CACNA2D2: variants seen among roughly 807,000 people sequenced by gnomAD.
CACNA2D2 encodes calcium voltage-gated channel auxiliary subunit alpha2delta 2.
Under a neutral mutation model 166.4 loss-of-function variants are expected in CACNA2D2, and 48 were observed. That is an observed-to-expected ratio of 0.29 (90% CI 0.23 to 0.37). The LOEUF (loss-of-function observed/expected upper bound fraction) is 0.37. CACNA2D2 is among the 10% of genes least tolerant of loss of function. CACNA2D2 has a pLI of 1.00. For missense variants in CACNA2D2, 1,122 were observed against 1,433.0 expected, an observed-to-expected ratio of 0.78 and a Z score of 3.50; for synonymous variants, 561 against 573.7, an observed-to-expected ratio of 0.98 and a Z score of 0.32.
In CACNA2D2 at chr3:50,365,103, A is replaced by T. The variant is rs138596435; in HGVS notation, c.3180T>A (p.Ala1060=). 38 of 1,611,844 alleles carry T rather than the reference A, an allele frequency of 2.4e-5. No homozygotes were observed. In the African/African-American group the frequency reaches 4.1e-4, roughly 18 times the overall value. The change falls in exon 36 of 38, where the codon GCT becomes GCA. Residue 1060 remains alanine, a synonymous_variant. Transcript: ENST00000424201. The surrounding 1 kb of genome is among the most constrained non-coding windows in gnomAD (Gnocchi z 4.5). ...GCGTCTCCTTCTGCAGCAGCCGGCC[A>T]GCCTCGCACTGGCTGCACAGCGGCT... is the stretch of plus-strand genomic sequence containing the variant. The part of the protein sequence containing the change: ...AEKPLCSQCE[A]GRLLQKETHS...
intron 1 of CACNA2D2, among the ~76,000 whole-genome samples, chr3:50,476,595 G>A (rs2107093226): frequency 6.6e-6 from 1 of 152,336 alleles, no homozygotes; most frequent in Non-Finnish European, 1.5e-5. Flanking sequence ...GAGGTCTGCT[G>A]GATCTTGGAG....
At chr3:50,502,265 C>T (rs1575796596) in intron 1 of CACNA2D2, among the ~76,000 whole-genome samples, 1 of 152,352 alleles carries the variant, frequency 6.6e-6, no homozygotes, top group East Asian at 1.9e-4. Context: ...GGTGGCTCCT[C>T]AGACCCGGAG....
intron 4 of CACNA2D2, among the ~76,000 whole-genome samples, chr3:50,391,327 ACT>A (rs1705876021): frequency 6.7e-6 from 1 of 149,736 alleles, no homozygotes; most frequent in Non-Finnish European, 1.5e-5. Context: ...GCCAATGGCC[ACT>A]CCCCCCTCCC....
chr3:50,440,495 T>A (rs1708537310), intron 2 of CACNA2D2, among the ~76,000 whole-genome samples: 1 of 152,278 alleles, frequency 6.6e-6, no homozygotes, highest in Admixed American at 6.5e-5. Flanking sequence ...TACACTGTGA[T>A]GTTAGTTGTC....
chr3:50,448,554 C>T (rs1708961868), intron 2 of CACNA2D2, among the ~76,000 whole-genome samples: 1 of 152,118 alleles, frequency 6.6e-6, no homozygotes, highest in South Asian at 2.1e-4. Flanking sequence ...TGTCGATGCA[C>T]ATATGTATCC....
At chr3:50,406,162 C>T (rs1391214247) in intron 3 of CACNA2D2, among the ~76,000 whole-genome samples, 3 of 151,842 alleles carry the variant, frequency 2.0e-5, no homozygotes, top group African/African-American at 7.2e-5. Context: ...ATGAAATACA[C>T]GAACCCATTG....
rs1246408753 is a variant in CACNA2D2, at chr3:50,374,789, G to A, written c.1932C>T (p.Tyr644=). ...NYSLGLVLPP[Y]STFYLQANLS... The stretch of plus-strand genomic sequence containing the variant: ...GATTGGCTTGGAGGTAGAAGGTGCT[G>A]TAGGGTGGGAGCACCAGCCCCAGGC... Residue 644 remains tyrosine (Y), a synonymous_variant, in exon 22 of 38, where the codon TAC becomes TAT. Coordinates refer to ENST00000424201, the MANE Select transcript of CACNA2D2 (RefSeq NM_006030.4). 3 of 1,596,042 alleles carry A rather than the reference G, an allele frequency of 1.9e-6. No homozygotes were observed. The Admixed American group carries it at 5.2e-5, about 28-fold the overall frequency.
At chr3:50,401,718 GT>G (rs943301608) in intron 3 of CACNA2D2, among the ~76,000 whole-genome samples, 1 of 151,720 alleles carries the variant, frequency 6.6e-6, no homozygotes, top group African/African-American at 2.4e-5. Flanking sequence ...TTTCAGTTTT[GT>G]TTTTTTTGAG....
At chr3:50,397,119 C>G (rs552141113) in intron 3 of CACNA2D2, among the ~76,000 whole-genome samples, 1 of 152,202 alleles carries the variant, frequency 6.6e-6, no homozygotes, top group Non-Finnish European at 1.5e-5. Context: ...GCAGACAGGG[C>G]AAGGGAGACC....
intron 1 of CACNA2D2, among the ~76,000 whole-genome samples, chr3:50,480,673 G>A (rs1367949064): frequency 6.6e-6 from 1 of 150,416 alleles, no homozygotes; most frequent in East Asian, 2.0e-4. Context: ...CGTGGGGTGA[G>A]AAGCTGCAGC....
chr3:50,468,974 A>G (rs1312937638), intron 2 of CACNA2D2, among the ~76,000 whole-genome samples: 4 of 151,980 alleles, frequency 2.6e-5, no homozygotes, highest in African/African-American at 9.7e-5. Context: ...GATTACAGGC[A>G]TGCACCACCA....
Position 50,427,481 on chromosome 3 carries a change from C to T in CACNA2D2, c.405+6832G>A, listed in dbSNP as rs1039985642. 6.6e-5 allele frequency among the ~76,000 whole-genome samples: 10 copies of T among 152,380 alleles called. No individual in the cohort carries two copies. The East Asian group carries it at 1.7e-3, about 26-fold the overall frequency. ...GCTGCTTGGGCGCTTGGCGCCCACG[C>T]GTGCGCCTAATTGGCTCCACGTGTC... is the stretch of plus-strand genomic sequence containing the variant. On this transcript the variant is annotated intron_variant, in intron 3 of 37. Coordinates refer to ENST00000424201, the MANE Select transcript of CACNA2D2 (RefSeq NM_006030.4). This position sits in a 1 kb window ranked among gnomAD's most constrained non-coding sequence, Gnocchi z 4.7.
intron 22 of CACNA2D2, among the ~76,000 whole-genome samples, chr3:50,371,231 C>A (rs1045068804): frequency 2.6e-5 from 4 of 152,166 alleles, no homozygotes; most frequent in African/African-American, 7.2e-5. Flanking sequence ...GGGCTCCAGG[C>A]AGCCATGGGG....
chr3:50,382,630 T>C (rs1438294135), intron 6 of CACNA2D2, among the ~76,000 whole-genome samples: 1 of 152,242 alleles, frequency 6.6e-6, no homozygotes, highest in East Asian at 1.9e-4. Context: ...TGTTCCTAAT[T>C]TAGAAACTTA....
At chr3:50,452,157 G>A (rs1709131328) in intron 2 of CACNA2D2, among the ~76,000 whole-genome samples, 1 of 152,220 alleles carries the variant, frequency 6.6e-6, no homozygotes, top group African/African-American at 2.4e-5. Context: ...ACAGAGGCCT[G>A]GTCCCTTGGC....
intron 2 of CACNA2D2, among the ~76,000 whole-genome samples, chr3:50,461,030 G>T (rs1166546925): frequency 6.6e-6 from 1 of 152,084 alleles, no homozygotes; most frequent in Non-Finnish European, 1.5e-5. Flanking sequence ...AAAGAACAGA[G>T]AAATGAGAAG....
At chr3:50,484,889 C>T (rs1001263748) in intron 1 of CACNA2D2, among the ~76,000 whole-genome samples, 10 of 152,212 alleles carry the variant, frequency 6.6e-5, no homozygotes, top group Admixed American at 3.3e-4. Flanking sequence ...TGTGTGTGGC[C>T]GGCCATGGGG....
intron 3 of CACNA2D2, among the ~76,000 whole-genome samples, chr3:50,403,842 T>C (rs1706563228): frequency 6.6e-6 from 1 of 152,206 alleles, no homozygotes; most frequent in Non-Finnish European, 1.5e-5. Context: ...CCTCATCCTG[T>C]AGGAGCCACT....
chr3:50,398,029 C>A (rs1706247040), intron 3 of CACNA2D2, among the ~76,000 whole-genome samples: 1 of 152,110 alleles, frequency 6.6e-6, no homozygotes, highest in Admixed American at 6.5e-5. Context: ...CCTCCTAGCA[C>A]TTCCCTTCTA....
Sources: gnomAD v4.1 joint callset for allele counts (sites outside exome capture counted in the v4.1 genomes callset) on GRCh38, gnomAD v4.1.1 for gene constraint, Gnocchi (gnomAD v3.1) non-coding constraint, MANE v1.5 for transcripts, NCBI Gene and HGNC (gene_info 2026-07-23, HGNC 2026-07-21) for gene names.